Variants in ACOXL observed in about 807,000 individuals in gnomAD.
ACOXL encodes acyl-CoA oxidase like, also known as acyl-coenzyme A oxidase-like protein.
A neutral mutation model predicts 71.9 loss-of-function variants in ACOXL; 70 were observed. The observed-to-expected ratio is 0.97, with a 90% confidence interval of 0.80 to 1.19. The LOEUF (loss-of-function observed/expected upper bound fraction) is 1.19. Among genes scored for constraint, ACOXL ranks in the 50% most tolerant of loss-of-function variants. The probability of loss-of-function intolerance (pLI) is 0.00; values close to 1 mark genes in which losing one functional copy is unlikely to be tolerated. For synonymous variants in ACOXL, 253 were observed against 281.6 expected, an observed-to-expected ratio of 0.90 and a Z score of 1.02; for missense variants, 703 against 736.3, an observed-to-expected ratio of 0.95 and a Z score of 0.52.
intron 15 of ACOXL, among the ~76,000 whole-genome samples, chr2:111,033,919 G>A (rs17041795): frequency 0.032 from 4,934 of 152,276 alleles, 265 homozygotes; most frequent in African/African-American, 0.11. Flanking sequence ...ATTCAGAAAT[G>A]TGATCAAGTT....
In ACOXL at chr2:111,031,732, G is replaced by A. The variant is rs545562430; in HGVS notation, c.1369+18G>A. On this transcript the variant is annotated intron_variant, in intron 15 of 17. Transcript: ENST00000439055. ...TCACCGAGGTCAGTTGGCTCCTGTT[G>A]AATATTTGTAATTGAGTGACTCAGG... 5 of 1,613,280 alleles carry A rather than the reference G, an allele frequency of 3.1e-6. No individual in the cohort carries two copies. The highest frequency in any genetic ancestry group is 1.3e-5 in the African/African-American group (1 of 75,006).
chr2:110,810,052 C>G (rs1208398727), intron 9 of ACOXL, among the ~76,000 whole-genome samples: 1 of 152,190 alleles, frequency 6.6e-6, no homozygotes. Flanking sequence ...CAGCTACTGG[C>G]TGGGGCTGGG....
intron 17 of ACOXL, among the ~76,000 whole-genome samples, chr2:111,116,483 A>G (rs2070361813): frequency 6.6e-6 from 1 of 151,862 alleles, no homozygotes; most frequent in South Asian, 2.1e-4. Flanking sequence ...TTGGGACCTC[A>G]CTGAAAACCT....
At chr2:110,896,887 ACATTTAT>A in intron 10 of ACOXL, among the ~76,000 whole-genome samples, 2 of 152,196 alleles carry the variant, frequency 1.3e-5, no homozygotes, top group South Asian at 4.1e-4. Context: ...GATCTAATTG[ACATTTAT>A]AGAACACTTC....
At chr2:110,784,917 C>T (rs1683772725) in intron 3 of ACOXL, 102 bp downstream of exon 3, 2 of 1,021,166 alleles carry the variant, frequency 2.0e-6, no homozygotes, top group South Asian at 4.7e-5. Flanking sequence ...TATGTAGTGG[C>T]ACAGGTGTTG....
At chr2:110,969,599 T>C (rs970709675) in intron 12 of ACOXL, among the ~76,000 whole-genome samples, 2 of 152,022 alleles carry the variant, frequency 1.3e-5, no homozygotes, top group Admixed American at 6.6e-5. Flanking sequence ...TTACCTGAGG[T>C]CAGGAGTTCA....
intron 10 of ACOXL, among the ~76,000 whole-genome samples, chr2:110,864,294 T>A (rs1559361392): frequency 6.6e-6 from 1 of 152,174 alleles, no homozygotes. Flanking sequence ...GGAACAGGGC[T>A]GATGGGAGAC....
At chr2:111,045,997 C>G (rs2065999473) in intron 15 of ACOXL, among the ~76,000 whole-genome samples, 1 of 152,190 alleles carries the variant, frequency 6.6e-6, no homozygotes, top group Non-Finnish European at 1.5e-5. Flanking sequence ...GGATAGGATC[C>G]AAGCCCATCT....
intron 9 of ACOXL, among the ~76,000 whole-genome samples, chr2:110,814,167 T>C (rs1197439950): frequency 1.3e-5 from 2 of 152,188 alleles, no homozygotes; most frequent in Non-Finnish European, 2.9e-5. Context: ...TCACTCAGAC[T>C]GGGATTTGGT....
chr2:110,792,686 C>G (rs1487523237), intron 3 of ACOXL, among the ~76,000 whole-genome samples: 11 of 152,150 alleles, frequency 7.2e-5, no homozygotes, highest in Non-Finnish European at 1.3e-4. Flanking sequence ...CTAGTCCCAG[C>G]TACTCAGGAG....
intron 10 of ACOXL, among the ~76,000 whole-genome samples, chr2:110,842,368 A>G (rs1691279681): frequency 6.6e-6 from 1 of 152,224 alleles, no homozygotes; most frequent in African/African-American, 2.4e-5. Context: ...GAGAGGCTCA[A>G]GATCATGGAG....
At chr2:110,806,405 C>T (rs1686650065) in intron 9 of ACOXL, among the ~76,000 whole-genome samples, 1 of 152,210 alleles carries the variant, frequency 6.6e-6, no homozygotes, top group South Asian at 2.1e-4. Flanking sequence ...GCTCAGGTCC[C>T]TTGGCTGAAC....
chr2:111,054,123 CA>C (rs1351500489), intron 16 of ACOXL, among the ~76,000 whole-genome samples: 1 of 152,208 alleles, frequency 6.6e-6, no homozygotes, highest in Non-Finnish European at 1.5e-5. Context: ...CTAGAAGCAC[CA>C]TGGGAGGCTC....
At chr2:110,914,202 A>C (rs1027460520) in intron 11 of ACOXL, among the ~76,000 whole-genome samples, 11 of 152,204 alleles carry the variant, frequency 7.2e-5, no homozygotes, top group African/African-American at 1.2e-4. Context: ...GAAAAAAAAG[A>C]AATCAGGTTA....
At chr2:110,831,217 A>G (rs998254312) in intron 9 of ACOXL, among the ~76,000 whole-genome samples, 1 of 152,078 alleles carries the variant, frequency 6.6e-6, no homozygotes, top group Non-Finnish European at 1.5e-5. Flanking sequence ...AGATTACATG[A>G]TTTCTTACAT....
At position 111,048,634 on chromosome 2, in the gene ACOXL, A is replaced by G. The variant is rs549607475; in HGVS notation, c.1370-584A>G. 5.3e-5 allele frequency among the ~76,000 whole-genome samples: 8 copies of G among 152,242 alleles called. No homozygotes were observed. The East Asian group carries it at 1.5e-3, about 29-fold the overall frequency. On this transcript the variant is annotated intron_variant, in intron 15 of 17. Coordinates refer to ENST00000439055, the MANE Select transcript of ACOXL (RefSeq NM_001142807.4). Reference sequence around the variant, plus strand: ...AATATTCCTAGAGCTTTCATGGCCAATTTCAATGGATTACTAAAACTTTTT... The same window carrying G: ...AATATTCCTAGAGCTTTCATGGCCAGTTTCAATGGATTACTAAAACTTTTT...
At chr2:111,038,408 TA>T (rs1482959880) in intron 15 of ACOXL, among the ~76,000 whole-genome samples, 1 of 152,240 alleles carries the variant, frequency 6.6e-6, no homozygotes, top group Non-Finnish European at 1.5e-5. Context: ...TCCCACTTTT[TA>T]AATGTGTTTT....
At chr2:110,758,493 T>G (rs1679984605) in intron 1 of ACOXL, among the ~76,000 whole-genome samples, 1 of 152,200 alleles carries the variant, frequency 6.6e-6, no homozygotes. Context: ...AGTATGGCCA[T>G]TCTCTGATGG....
At chr2:111,109,902 C>T (rs529472549) in intron 17 of ACOXL, among the ~76,000 whole-genome samples, 1 of 152,176 alleles carries the variant, frequency 6.6e-6, no homozygotes, top group African/African-American at 2.4e-5. Context: ...TGGTCTCGAA[C>T]TCCCGGCTTC....
Sources: gnomAD v4.1 joint callset for allele counts (sites outside exome capture counted in the v4.1 genomes callset) on GRCh38, gnomAD v4.1.1 for gene constraint, MANE v1.5 for transcripts, NCBI Gene and HGNC (gene_info 2026-07-23, HGNC 2026-07-21) for gene names.